The following SLC44A5 variants were observed in gnomAD, a reference collection of about 807,000 sequenced individuals.
SLC44A5 encodes the protein solute carrier family 44 member 5.
A neutral mutation model predicts 101.8 loss-of-function variants in SLC44A5; 57 were observed. The ratio of observed to expected loss-of-function variants is 0.56; its 90% CI spans 0.45 to 0.70. SLC44A5 has a LOEUF of 0.70. Among genes scored for constraint, SLC44A5 ranks in the 30% least tolerant of loss-of-function variants. SLC44A5 has a pLI of 0.00. For synonymous variants in SLC44A5, 281 were observed against 290.9 expected, an observed-to-expected ratio of 0.97 and a Z score of 0.35; for missense variants, 737 against 853.1, an observed-to-expected ratio of 0.86 and a Z score of 1.70.
chr1:75,388,550 G>T (rs1444244832), intron 3 of SLC44A5, among the ~76,000 whole-genome samples: 1 of 152,094 alleles, frequency 6.6e-6, no homozygotes, highest in Admixed American at 6.5e-5. Flanking sequence ...GGAGGCCGAG[G>T]CGGGTGGATC....
the SLC44A5 span, among the ~76,000 whole-genome samples, chr1:75,660,940 T>G: frequency 6.6e-6 from 1 of 152,248 alleles, no homozygotes; most frequent in Admixed American, 6.5e-5. Context: ...TTTAATGCTA[T>G]CCTTATCAAA....
the SLC44A5 span, among the ~76,000 whole-genome samples, chr1:75,651,525 T>G: frequency 1.3e-5 from 2 of 151,786 alleles, no homozygotes; most frequent in South Asian, 2.1e-4. Context: ...TGAAACCTCC[T>G]CTCTACTAAA....
chr1:75,428,348 T>C (rs984385549), intron 2 of SLC44A5, among the ~76,000 whole-genome samples: 20 of 152,352 alleles, frequency 1.3e-4, no homozygotes, highest in Non-Finnish European at 2.9e-4. Context: ...TATTTTTCCA[T>C]TATAGGCAAT....
chr1:75,274,595 A>G (rs1651765576), intron 6 of SLC44A5, among the ~76,000 whole-genome samples: 1 of 152,170 alleles, frequency 6.6e-6, no homozygotes, highest in South Asian at 2.1e-4. Flanking sequence ...AATCTTAACA[A>G]TTGGACTGTC....
At chr1:75,337,620 G>A (rs927022903) in intron 4 of SLC44A5, among the ~76,000 whole-genome samples, 1 of 152,126 alleles carries the variant, frequency 6.6e-6, no homozygotes, top group African/African-American at 2.4e-5. Flanking sequence ...AAGGGCCTGG[G>A]GAAACACCTT....
At chr1:75,239,936 G>C (rs1179444036) in intron 9 of SLC44A5, among the ~76,000 whole-genome samples, 2 of 151,800 alleles carry the variant, frequency 1.3e-5, no homozygotes, top group Non-Finnish European at 2.9e-5. Flanking sequence ...TGGCTTCCAT[G>C]GTCAGTTTCT....
At chr1:75,589,610 G>A (rs557931797) in intron 1 of SLC44A5, among the ~76,000 whole-genome samples, 7 of 152,252 alleles carry the variant, frequency 4.6e-5, no homozygotes, top group Middle Eastern at 6.8e-3. Flanking sequence ...AAAGTCAGGC[G>A]AGCATACATA....
chr1:75,370,759 C>T (rs914929753), intron 3 of SLC44A5, among the ~76,000 whole-genome samples: 37 of 152,226 alleles, frequency 2.4e-4, no homozygotes, highest in Admixed American at 1.8e-3. Context: ...ATATGGTAGG[C>T]TAATGAGAAG....
At chr1:75,640,188 A>G in the SLC44A5 span, among the ~76,000 whole-genome samples, 1 of 152,034 alleles carries the variant, frequency 6.6e-6, no homozygotes, top group African/African-American at 2.4e-5. Flanking sequence ...ATGTGTTTGT[A>G]GTCATCCCTG....
chr1:75,539,519 G>A (rs985407318), intron 2 of SLC44A5, among the ~76,000 whole-genome samples: 6 of 151,808 alleles, frequency 4.0e-5, no homozygotes, highest in Non-Finnish European at 5.9e-5. Context: ...CAAGATCTAC[G>A]TTATTTTCTA....
chr1:75,704,445 G>A, the SLC44A5 span, among the ~76,000 whole-genome samples: 5 of 152,188 alleles, frequency 3.3e-5, no homozygotes, highest in East Asian at 3.9e-4. Context: ...GCAAAATACC[G>A]ATACCTCAGC....
chr1:75,452,301 C>T (rs973175804), intron 2 of SLC44A5, among the ~76,000 whole-genome samples: 7 of 152,160 alleles, frequency 4.6e-5, no homozygotes, highest in African/African-American at 9.6e-5. Flanking sequence ...TGCCAAACTA[C>T]GCTTAATAAA....
chr1:75,234,776 G>T (rs1416143232), intron 11 of SLC44A5, among the ~76,000 whole-genome samples: 1 of 151,958 alleles, frequency 6.6e-6, no homozygotes, highest in Non-Finnish European at 1.5e-5. Flanking sequence ...TTAACAGCAC[G>T]ACTATCTTCT....
At chr1:75,445,519 A>ATATGTATATATTACG (rs1665507477) in intron 2 of SLC44A5, among the ~76,000 whole-genome samples, 1 of 148,062 alleles carries the variant, frequency 6.8e-6, no homozygotes. Context: ...ACAATATAAT[A>ATATGTATATATTACG]TATGTATATA....
intron 3 of SLC44A5, among the ~76,000 whole-genome samples, chr1:75,365,863 T>C (rs1169941292): frequency 6.6e-6 from 1 of 152,194 alleles, no homozygotes; most frequent in Non-Finnish European, 1.5e-5. Flanking sequence ...GTTATAACAG[T>C]CTATTTTAAG....
In SLC44A5 at chr1:75,408,265, G is replaced by C. The variant is rs554246663; in HGVS notation, c.14-11644C>G. On this transcript the variant is annotated intron_variant, in intron 2 of 23. Coordinates refer to ENST00000370859, the MANE Select transcript of SLC44A5 (RefSeq NM_001130058.2). ...AAGAATGTTTTTACACTGTTGGTGG[G>C]AGTGTAAATTAGTTCAACCATTGTG... Among the ~76,000 whole-genome samples the C allele has an allele frequency of 5.9e-5, 9 of 152,302 alleles. No individual in the cohort carries two copies. The South Asian group carries it at 1.9e-3, about 32-fold the overall frequency.
chr1:75,226,259 A>T (rs1001300578), intron 13 of SLC44A5, among the ~76,000 whole-genome samples: 2 of 151,844 alleles, frequency 1.3e-5, no homozygotes, highest in African/African-American at 4.8e-5. Flanking sequence ...TTTTTTTTTA[A>T]GAGAAAAACT....
At chr1:75,662,168 C>G in the SLC44A5 span, among the ~76,000 whole-genome samples, 16 of 151,988 alleles carry the variant, frequency 1.1e-4, no homozygotes, top group East Asian at 2.7e-3. Flanking sequence ...TTTATTCAGT[C>G]ATAAAAAAGA....
the SLC44A5 span, among the ~76,000 whole-genome samples, chr1:75,718,456 T>G: frequency 6.6e-6 from 1 of 152,192 alleles, no homozygotes; most frequent in Non-Finnish European, 1.5e-5. Flanking sequence ...TGCCTTGGAA[T>G]GGGACATTAA....
Sources: gnomAD v4.1 joint callset for allele counts (sites outside exome capture counted in the v4.1 genomes callset) on GRCh38, gnomAD v4.1.1 for gene constraint, MANE v1.5 for transcripts, NCBI Gene and HGNC (gene_info 2026-07-23, HGNC 2026-07-21) for gene names.